Variants in LARP1B observed in about 807,000 individuals in gnomAD.
The protein encoded by LARP1B is La ribonucleoprotein 1B.
A neutral mutation model predicts 114.2 loss-of-function variants in LARP1B; 76 were observed. That is an observed-to-expected ratio of 0.67 (90% CI 0.55 to 0.81). LARP1B has a LOEUF of 0.81. Ranked by LOEUF, LARP1B falls within the 30% of genes least tolerant of loss-of-function variation. LARP1B has a pLI of 0.00. For synonymous variants in LARP1B, 345 were observed against 348.0 expected, an observed-to-expected ratio of 0.99 and a Z score of 0.10; for missense variants, 1,014 against 1,075.8, an observed-to-expected ratio of 0.94 and a Z score of 0.80.
At position 128,207,255 on chromosome 4, in the gene LARP1B, G is replaced by T; in HGVS notation, c.2420-1G>T. The T allele has an allele frequency of 1.5e-6, 2 of 1,365,072 alleles. No individual in the cohort carries two copies. The highest frequency in any genetic ancestry group is 1.7e-5 in the South Asian group (1 of 59,084). The allele number at this position is 1,365,072 out of a possible 1,614,324, so 84.6% of individuals were successfully genotyped here. A position where few individuals can be genotyped will look rare whatever the true frequency, so the allele number is the denominator to read the frequency against. ...TAATGTATATTATTCTTTGTTATTA[G>T]GTCAGCTGTATGGACTAGAAAAGTT... On this transcript the variant is annotated splice_acceptor_variant, in intron 18 of 19. Coordinates refer to ENST00000326639, the MANE Select transcript of LARP1B (RefSeq NM_018078.4). LOFTEE classifies it high-confidence loss of function.
Position 128,106,459 on chromosome 4 carries a change from C to T in LARP1B, c.814-680C>T, listed in dbSNP as rs535589321. On this transcript the variant is annotated intron_variant, in intron 8 of 19. Transcript: ENST00000326639. ...TATCCTAATTTCTAAAAGGTGAGTACTCCTGTATTTCAGTGAGAAGTTAAA... is the reference window on the plus strand; with the variant it reads ...TATCCTAATTTCTAAAAGGTGAGTATTCCTGTATTTCAGTGAGAAGTTAAA... Among the ~76,000 whole-genome samples the T allele has an allele frequency of 1.2e-4, 19 of 152,038 alleles. 1 individual carries two copies. In the South Asian group the frequency reaches 2.7e-3, roughly 22 times the overall value.
At chr4:128,076,024 C>G (rs896834381) in intron 3 of LARP1B, among the ~76,000 whole-genome samples, 1 of 151,596 alleles carries the variant, frequency 6.6e-6, no homozygotes, top group Non-Finnish European at 1.5e-5. Context: ...TGGTTATATT[C>G]TTTTTTTGAG....
chr4:128,092,979 T>G, intron 7 of LARP1B: 2 of 985,404 alleles, frequency 2.0e-6, no homozygotes, highest in Non-Finnish European at 2.4e-6. Context: ...GCAGAGCTAC[T>G]TCAGTGTTGA....
chr4:128,181,270 G>A (rs1164795594), intron 15 of LARP1B, among the ~76,000 whole-genome samples: 4 of 149,582 alleles, frequency 2.7e-5, no homozygotes, highest in Non-Finnish European at 4.4e-5. Flanking sequence ...TTCAACTTCC[G>A]GCTCCCAGGT....
chr4:128,115,163 C>G (rs1275284630), intron 10 of LARP1B, among the ~76,000 whole-genome samples: 15 of 152,084 alleles, frequency 9.9e-5, no homozygotes, highest in Admixed American at 8.5e-4. Context: ...GTCTTGAACT[C>G]CTGACCTCAT....
At chr4:128,107,415 A>G in intron 9 of LARP1B, 102 bp downstream of exon 9, 2 of 1,527,126 alleles carry the variant, frequency 1.3e-6, no homozygotes, top group Non-Finnish European at 1.8e-6. Flanking sequence ...TTGATAGGAA[A>G]ATTAAAGCTA....
At chr4:128,093,095 C>T in intron 7 of LARP1B, 2 of 956,022 alleles carry the variant, frequency 2.1e-6, no homozygotes. Flanking sequence ...GGTCATGCCT[C>T]TTTTTTTGTT....
At chr4:128,182,638 A>G (rs1257224601) in intron 15 of LARP1B, among the ~76,000 whole-genome samples, 1 of 152,170 alleles carries the variant, frequency 6.6e-6, no homozygotes, top group Non-Finnish European at 1.5e-5. Flanking sequence ...TAATAACCCT[A>G]CAGTGGCCCC....
chr4:128,069,510 G>A, intron 1 of LARP1B: 2 of 748,020 alleles, frequency 2.7e-6, no homozygotes, highest in East Asian at 2.4e-5. Context: ...GATGGGGTGG[G>A]GAGCCCTGTG....
At position 128,176,909 on chromosome 4, in the gene LARP1B, T is replaced by C; in HGVS notation, c.1684+2T>C. ...GAGTGCTTCACATTCCCAAGAAAGG[T>C]AACATCTGTGGTGGGTATTAAAGGG... On this transcript the variant is annotated splice_donor_variant, in intron 13 of 19. Coordinates refer to ENST00000326639, the MANE Select transcript of LARP1B (RefSeq NM_018078.4). LOFTEE classifies it high-confidence loss of function. 6.2e-7 allele frequency: 1 copy of C among 1,613,644 alleles called. No homozygotes were observed. Among genetic ancestry groups the C allele is most frequent in the Non-Finnish European group, 8.5e-7 (1 of 1,179,572 alleles).
At chr4:128,127,607 G>T (rs1317897568) in intron 11 of LARP1B, among the ~76,000 whole-genome samples, 1 of 152,208 alleles carries the variant, frequency 6.6e-6, no homozygotes, top group Admixed American at 6.5e-5. Context: ...GCCGAGGTGG[G>T]TGTATTACCT....
intron 12 of LARP1B, among the ~76,000 whole-genome samples, chr4:128,171,533 T>C (rs1040434333): frequency 6.6e-6 from 1 of 152,214 alleles, no homozygotes; most frequent in East Asian, 1.9e-4. Context: ...CTTTCAAGCG[T>C]GTTTTAAATA....
At chr4:128,135,905 C>T (rs937499870) in intron 11 of LARP1B, among the ~76,000 whole-genome samples, 3 of 151,730 alleles carry the variant, frequency 2.0e-5, no homozygotes, top group Non-Finnish European at 2.9e-5. Flanking sequence ...TGGTTAAGAT[C>T]GTAAATTTTG....
intron 1 of LARP1B, among the ~76,000 whole-genome samples, chr4:128,067,947 C>T (rs1405657988): frequency 1.3e-5 from 2 of 152,016 alleles, no homozygotes; most frequent in African/African-American, 4.8e-5. Flanking sequence ...GTGGCACAAT[C>T]TCGGCTCACT....
At chr4:128,082,017 T>C in intron 4 of LARP1B, 148 bp from the exon 5 acceptor site, 3 of 761,692 alleles carry the variant, frequency 3.9e-6, no homozygotes, top group Non-Finnish European at 6.3e-6. Context: ...ATTACAGGCA[T>C]GAGCCACCGT....
At chr4:128,126,280 C>G (rs1789584581) in intron 11 of LARP1B, among the ~76,000 whole-genome samples, 1 of 152,030 alleles carries the variant, frequency 6.6e-6, no homozygotes, top group Non-Finnish European at 1.5e-5. Flanking sequence ...TGCCATCACA[C>G]CTGGCTAATT....
At chr4:128,174,724 G>T (rs1378095184) in intron 12 of LARP1B, among the ~76,000 whole-genome samples, 4 of 151,856 alleles carry the variant, frequency 2.6e-5, no homozygotes, top group East Asian at 3.9e-4. Context: ...CTTGCCTCCC[G>T]ATCTATTCCT....
intron 11 of LARP1B, among the ~76,000 whole-genome samples, chr4:128,160,813 C>T (rs1490689099): frequency 5.3e-5 from 8 of 152,096 alleles, no homozygotes; most frequent in African/African-American, 1.9e-4. Context: ...ATTAAAGGTA[C>T]TTTAGTGAAA....
At chr4:128,170,363 G>A (rs114091422) in intron 12 of LARP1B, among the ~76,000 whole-genome samples, 2,321 of 152,216 alleles carry the variant, frequency 0.015, 34 homozygotes, top group Non-Finnish European at 0.023. Context: ...GTTGGTTAAT[G>A]GTGTTGATGA....
Sources: allele counts gnomAD v4.1 joint callset (sites outside exome capture counted in the v4.1 genomes callset), GRCh38; gene constraint gnomAD v4.1.1; transcripts MANE v1.5; gene names NCBI Gene and HGNC (gene_info 2026-07-23, HGNC 2026-07-21).